PTPRG: variants seen among roughly 807,000 people sequenced by gnomAD.
PTPRG encodes the protein protein tyrosine phosphatase receptor type G.
PTPRG carries 102 observed loss-of-function variants against 165.3 expected under a neutral mutation model. That is an observed-to-expected ratio of 0.62 (90% CI 0.53 to 0.73). The LOEUF (loss-of-function observed/expected upper bound fraction) is 0.73. Among genes scored for constraint, PTPRG ranks in the 30% least tolerant of loss-of-function variants. The probability of loss-of-function intolerance (pLI) is 0.00; values close to 1 mark genes in which losing one functional copy is unlikely to be tolerated. For missense variants in PTPRG, 1,866 were observed against 1,861.4 expected (o/e 1.00, Z -0.05); for synonymous variants, 675 against 669.5 (o/e 1.01, Z -0.13).
At chr3:62,258,339 T>C (rs1459479957) in intron 16 of PTPRG, among the ~76,000 whole-genome samples, 7 of 152,168 alleles carry the variant, frequency 4.6e-5, no homozygotes, top group African/African-American at 1.7e-4. Flanking sequence ...TAATATAAGA[T>C]ACAAATATGA....
intron 1 of PTPRG, among the ~76,000 whole-genome samples, chr3:61,709,524 A>G (rs2031445062): frequency 6.6e-6 from 1 of 152,112 alleles, no homozygotes; most frequent in African/African-American, 2.4e-5. Context: ...CATGTTGGCC[A>G]GGCTGGTCTC....
chr3:62,178,055 GTGGA>G (rs1206600939), intron 8 of PTPRG, among the ~76,000 whole-genome samples: 2 of 64,824 alleles, frequency 3.1e-5, no homozygotes, highest in Non-Finnish European at 6.1e-5. Flanking sequence ...GGGTGGGTGG[GTGGA>G]TGGATGGATG....
intron 2 of PTPRG, among the ~76,000 whole-genome samples, chr3:61,980,108 T>C (rs1298772130): frequency 6.6e-6 from 1 of 152,122 alleles, no homozygotes; most frequent in Non-Finnish European, 1.5e-5. Context: ...TTGTGGAGCA[T>C]GATACTGAGT....
intron 1 of PTPRG, among the ~76,000 whole-genome samples, chr3:61,676,166 ACT>A (rs1289764951): frequency 2.6e-5 from 4 of 152,278 alleles, no homozygotes; most frequent in African/African-American, 9.6e-5. Context: ...TTAGAAAGTT[ACT>A]AAAGTCTAGG....
At chr3:61,675,040 A>T (rs1430792978) in intron 1 of PTPRG, among the ~76,000 whole-genome samples, 1 of 152,238 alleles carries the variant, frequency 6.6e-6, no homozygotes, top group Non-Finnish European at 1.5e-5. Context: ...GAAACAGCCT[A>T]GCATTACCCT....
intron 2 of PTPRG, among the ~76,000 whole-genome samples, chr3:61,950,977 G>A (rs13079123): frequency 0.36 from 55,402 of 152,096 alleles, 10,695 homozygotes; most frequent in Non-Finnish European, 0.44. Flanking sequence ...ACATGCCATC[G>A]CTCCCTTTCA....
At chr3:61,624,814 A>G (rs966058397) in intron 1 of PTPRG, among the ~76,000 whole-genome samples, 1 of 152,186 alleles carries the variant, frequency 6.6e-6, no homozygotes, top group Non-Finnish European at 1.5e-5. Context: ...TGTTACCATT[A>G]TCAAATATAG....
rs57354619 is a variant in PTPRG, at chr3:61,975,716, C to T, written c.191-13909C>T. ...GTTTGCTGTCAATATAAATATATCG[C>T]TTCTGTAACTCTCACAGTTGCATGT... On this transcript the variant is annotated intron_variant, in intron 2 of 29. Coordinates refer to ENST00000474889, the MANE Select transcript of PTPRG (RefSeq NM_002841.4). Among the ~76,000 whole-genome samples, 11 of 151,894 alleles carry T rather than the reference C, an allele frequency of 7.2e-5. No individual in the cohort carries two copies. The South Asian group carries it at 2.3e-3, about 32-fold the overall frequency.
At chr3:61,801,863 C>A (rs577605626) in intron 2 of PTPRG, among the ~76,000 whole-genome samples, 114 of 152,104 alleles carry the variant, frequency 7.5e-4, no homozygotes, top group African/African-American at 2.6e-3. Flanking sequence ...ACTAAAAATA[C>A]ACACACACAA....
chr3:61,925,898 T>C (rs762530252), intron 2 of PTPRG: 1 of 499,478 alleles, frequency 2.0e-6, no homozygotes, highest in Admixed American at 2.0e-5. Context: ...AAAATCCCTG[T>C]TGATGAGGTA....
intron 18 of PTPRG, 40 bp from the exon 19 acceptor site, chr3:62,267,645 T>A: frequency 6.3e-7 from 1 of 1,598,100 alleles, no homozygotes; most frequent in South Asian, 1.1e-5. Flanking sequence ...TCTTCTGTGA[T>A]AACTGCTTTC....
At chr3:61,819,908 CATT>C (rs1195132438) in intron 2 of PTPRG, among the ~76,000 whole-genome samples, 4 of 152,146 alleles carry the variant, frequency 2.6e-5, no homozygotes, top group East Asian at 1.9e-4. Context: ...AAATGGAAAA[CATT>C]ATAACTAGTT....
intron 3 of PTPRG, among the ~76,000 whole-genome samples, chr3:61,999,621 A>T (rs1189679149): frequency 6.6e-6 from 1 of 152,098 alleles, no homozygotes; most frequent in Non-Finnish European, 1.5e-5. Flanking sequence ...ATTTGTATTT[A>T]TTATTTTTGT....
chr3:62,142,428 C>T (rs1401894874), intron 6 of PTPRG, among the ~76,000 whole-genome samples: 1 of 152,020 alleles, frequency 6.6e-6, no homozygotes, highest in Non-Finnish European at 1.5e-5. Flanking sequence ...ACCCACACAC[C>T]AGAGCTCACT....
chr3:61,780,760 C>A (rs1358090620), intron 2 of PTPRG, among the ~76,000 whole-genome samples: 2 of 152,158 alleles, frequency 1.3e-5, no homozygotes, highest in East Asian at 3.9e-4. Flanking sequence ...GTTTTCAGTT[C>A]ATTAACCATT....
chr3:61,606,576 A>G (rs940920230), intron 1 of PTPRG, among the ~76,000 whole-genome samples: 2 of 152,228 alleles, frequency 1.3e-5, no homozygotes, highest in Non-Finnish European at 2.9e-5. Context: ...TGTTATAACA[A>G]AATATCTGCA....
At position 62,203,960 on chromosome 3, in the gene PTPRG, G is replaced by A. The variant is rs1365534250; in HGVS notation, c.2155+10G>A. The stretch of plus-strand genomic sequence containing the variant: ...ATCACTGTTAATCCAGGTAAGTGGT[G>A]CAGGTCTTCTTCGAGGGTTCCTGCT... On this transcript the variant is annotated intron_variant, in intron 12 of 29. Transcript: ENST00000474889. The surrounding 1 kb of genome is among the most constrained non-coding windows in gnomAD (Gnocchi z 6.4). 9 of 1,541,170 alleles carry A rather than the reference G, an allele frequency of 5.8e-6. No individual in the cohort carries two copies. Among genetic ancestry groups the A allele is most frequent in the African/African-American group, 2.8e-5 (2 of 72,604 alleles).
At chr3:61,614,988 C>T (rs1029155126) in intron 1 of PTPRG, among the ~76,000 whole-genome samples, 5 of 152,138 alleles carry the variant, frequency 3.3e-5, no homozygotes, top group Non-Finnish European at 5.9e-5. Context: ...ACACACCATG[C>T]GCTCCACCCG....
chr3:62,225,585 A>G (rs923706727), intron 13 of PTPRG, among the ~76,000 whole-genome samples: 13 of 151,816 alleles, frequency 8.6e-5, no homozygotes, highest in African/African-American at 2.9e-4. Context: ...CTGATGAGCA[A>G]TATCTCACCC....
Sources: gnomAD v4.1 joint callset for allele counts (sites outside exome capture counted in the v4.1 genomes callset) on GRCh38, gnomAD v4.1.1 for gene constraint, Gnocchi (gnomAD v3.1) non-coding constraint, MANE v1.5 for transcripts, NCBI Gene and HGNC (gene_info 2026-07-23, HGNC 2026-07-21) for gene names.